ADAMTS19: variants seen among roughly 807,000 people sequenced by gnomAD.
ADAMTS19 encodes the protein A disintegrin and metalloproteinase with thrombospondin motifs 19.
A neutral mutation model predicts 153.3 loss-of-function variants in ADAMTS19; 93 were observed. The observed-to-expected ratio is 0.61, with a 90% CI of 0.51 to 0.72. The LOEUF (loss-of-function observed/expected upper bound fraction) is 0.72. Among genes scored for constraint, ADAMTS19 ranks in the 30% least tolerant of loss-of-function variants. The probability of loss-of-function intolerance (pLI) is 0.00; values close to 1 mark genes in which losing one functional copy is unlikely to be tolerated. For missense variants in ADAMTS19, 1,482 were observed against 1,552.1 expected (o/e 0.95, Z 0.76); for synonymous variants, 600 against 556.6 (o/e 1.08, Z -1.10).
chr5:129,632,881 T>G (rs950101990), intron 10 of ADAMTS19, among the ~76,000 whole-genome samples: 1 of 152,122 alleles, frequency 6.6e-6, no homozygotes, highest in Non-Finnish European at 1.5e-5. Context: ...TTACTGCATA[T>G]TTATCCCATT....
rs201896069 is a variant in ADAMTS19, at chr5:129,460,364, C to A, written c.-28C>A. ...GATCGCGCTGGAGGCGTGCGCCGGG[C>A]GAGAAGCCGCGGCCGCGGGAGCGCA... is the stretch of plus-strand genomic sequence containing the variant. On this transcript the variant is annotated 5_prime_UTR_variant, in exon 1 of 23. Transcript: ENST00000274487. The A allele has an allele frequency of 3.6e-5, 57 of 1,584,720 alleles. No individual in the cohort carries two copies. In the East Asian group the frequency reaches 1.2e-3, roughly 33 times the overall value.
At chr5:129,698,026 CTA>C (rs79721024) in intron 19 of ADAMTS19, among the ~76,000 whole-genome samples, 3,045 of 152,208 alleles carry the variant, frequency 0.02, 73 homozygotes, top group African/African-American at 0.064. Context: ...ATACAACACA[CTA>C]TTTATTTTTC....
chr5:129,659,841 G>A (rs1753747607), intron 15 of ADAMTS19, among the ~76,000 whole-genome samples: 3 of 152,010 alleles, frequency 2.0e-5, no homozygotes, highest in South Asian at 4.1e-4. Flanking sequence ...TCCCATCTTG[G>A]CATCCCAAAG....
intron 6 of ADAMTS19, among the ~76,000 whole-genome samples, chr5:129,532,359 A>G (rs1352979086): frequency 6.6e-6 from 1 of 152,188 alleles, no homozygotes; most frequent in Non-Finnish European, 1.5e-5. Flanking sequence ...CAATAAGCAT[A>G]TAAAGAGATA....
intron 17 of ADAMTS19, among the ~76,000 whole-genome samples, chr5:129,680,955 A>G (rs1185729610): frequency 1.3e-5 from 2 of 152,186 alleles, no homozygotes; most frequent in Admixed American, 6.6e-5. Flanking sequence ...TTTCTATCCT[A>G]ATGGCAAAAA....
intron 17 of ADAMTS19, among the ~76,000 whole-genome samples, chr5:129,682,372 T>C (rs973315973): frequency 6.6e-6 from 1 of 152,222 alleles, no homozygotes; most frequent in African/African-American, 2.4e-5. Context: ...GGTCACACTT[T>C]CCTTTTTGCA....
At chr5:129,604,023 C>T (rs1268361230) in intron 8 of ADAMTS19, among the ~76,000 whole-genome samples, 3 of 152,026 alleles carry the variant, frequency 2.0e-5, no homozygotes, top group Admixed American at 2.0e-4. Flanking sequence ...CACTAGAGTT[C>T]CCACAGTGTT....
intron 2 of ADAMTS19, among the ~76,000 whole-genome samples, chr5:129,467,754 C>T (rs1397585000): frequency 6.6e-6 from 1 of 152,212 alleles, no homozygotes; most frequent in African/African-American, 2.4e-5. Flanking sequence ...TATAAGGACT[C>T]AGGTGTTACC....
At position 129,584,512 on chromosome 5, in the gene ADAMTS19, G is replaced by C. The variant is rs1299917426; in HGVS notation, c.1373-12047G>C. Among the ~76,000 whole-genome samples the C allele has an allele frequency of 2.0e-5, 3 of 152,304 alleles. No homozygotes were observed. In the South Asian group the frequency reaches 6.2e-4, roughly 32 times the overall value. ...GCACCCACAGCCGCCCCTTCACCCA[G>C]GTGCTCTGTCACAGGGAGATGGGAG... On this transcript the variant is annotated intron_variant, in intron 7 of 22. Transcript: ENST00000274487.
chr5:129,562,718 G>T (rs548430683), intron 7 of ADAMTS19, among the ~76,000 whole-genome samples: 1 of 152,046 alleles, frequency 6.6e-6, no homozygotes, highest in Non-Finnish European at 1.5e-5. Context: ...ACTTAAAGCT[G>T]GCAAAGATAA....
At chr5:129,478,760 T>C (rs1168249172) in intron 2 of ADAMTS19, among the ~76,000 whole-genome samples, 1 of 152,052 alleles carries the variant, frequency 6.6e-6, no homozygotes, top group African/African-American at 2.4e-5. Flanking sequence ...CCCAGGTTGG[T>C]ATTGAACTGC....
At chr5:129,696,496 T>G (rs1313563872) in intron 19 of ADAMTS19, among the ~76,000 whole-genome samples, 1 of 152,248 alleles carries the variant, frequency 6.6e-6, no homozygotes, top group Non-Finnish European at 1.5e-5. Context: ...TTTTAGATAC[T>G]GTAAACCAAA....
intron 21 of ADAMTS19, among the ~76,000 whole-genome samples, chr5:129,707,303 T>A (rs1756208191): frequency 6.6e-6 from 1 of 152,250 alleles, no homozygotes; most frequent in Non-Finnish European, 1.5e-5. Context: ...CTTTGCTTGT[T>A]GGCCTGTTTG....
chr5:129,460,728 C>A, intron 1 of ADAMTS19: 2 of 580,792 alleles, frequency 3.4e-6, no homozygotes, highest in Non-Finnish European at 6.1e-6. Context: ...TGCAAAGGTA[C>A]GTTTACAGCA....
intron 14 of ADAMTS19, among the ~76,000 whole-genome samples, chr5:129,654,795 G>A (rs898621862): frequency 7.9e-5 from 12 of 152,202 alleles, no homozygotes; most frequent in Admixed American, 6.5e-4. Context: ...GTCTAAGACT[G>A]AGCCATGAGT....
chr5:129,705,522 ACTT>A (rs1287616878), intron 21 of ADAMTS19, among the ~76,000 whole-genome samples: 4 of 152,156 alleles, frequency 2.6e-5, no homozygotes, highest in Non-Finnish European at 5.9e-5. Context: ...TCTTTCTACT[ACTT>A]ACAACATTCA....
At chr5:129,553,373 C>T (rs746845724) in intron 7 of ADAMTS19, among the ~76,000 whole-genome samples, 7 of 152,064 alleles carry the variant, frequency 4.6e-5, no homozygotes, top group Admixed American at 1.3e-4. Context: ...TCTGCTAATT[C>T]AAAATTGTGT....
chr5:129,532,199 T>TC (rs58687588), intron 6 of ADAMTS19, among the ~76,000 whole-genome samples: 45,687 of 152,012 alleles, frequency 0.3, 9,976 homozygotes, highest in African/African-American at 0.62. Context: ...CAAAAGATGT[T>TC]ACACCTTTTG....
chr5:129,510,444 T>C (rs143223685), intron 3 of ADAMTS19, among the ~76,000 whole-genome samples: 212 of 152,028 alleles, frequency 1.4e-3, no homozygotes, highest in Non-Finnish European at 1.9e-3. Flanking sequence ...CGTCACAGTA[T>C]TCCATGTCCA....
Sources: allele counts gnomAD v4.1 joint callset (sites outside exome capture counted in the v4.1 genomes callset), GRCh38; gene constraint gnomAD v4.1.1; transcripts MANE v1.5; gene names NCBI Gene and HGNC (gene_info 2026-07-23, HGNC 2026-07-21).